RGS6: variants seen among roughly 807,000 people sequenced by gnomAD.
RGS6 encodes regulator of G protein signaling 6.
A neutral mutation model predicts 78.5 loss-of-function variants in RGS6; 30 were observed. The observed-to-expected ratio is 0.38, with a 90% confidence interval of 0.29 to 0.52. The LOEUF (loss-of-function observed/expected upper bound fraction) is 0.52, where lower values mean the gene tolerates loss of function less well. Ranked by LOEUF, RGS6 falls within the 20% of genes least tolerant of loss-of-function variation. The probability of loss-of-function intolerance (pLI) is 0.85; values close to 1 mark genes in which losing one functional copy is unlikely to be tolerated. For synonymous variants in RGS6, 206 were observed against 206.0 expected, an observed-to-expected ratio of 1.00 and a Z score of 0.00; for missense variants, 495 against 609.7, an observed-to-expected ratio of 0.81 and a Z score of 1.98.
the RGS6 span, among the ~76,000 whole-genome samples, chr14:72,618,868 C>T: frequency 1.4e-3 from 208 of 152,324 alleles, no homozygotes; most frequent in African/African-American, 4.7e-3. Flanking sequence ...AGGATGCAGA[C>T]CCTAAGCTGG....
intron 17 of RGS6, 72 bp from the exon 18 acceptor site, chr14:72,562,345 C>T: frequency 6.8e-7 from 1 of 1,471,246 alleles, no homozygotes. Context: ...ATTAATTCAC[C>T]TGTCTGGCTC....
At chr14:72,354,549 T>C (rs2079851658) in intron 3 of RGS6, among the ~76,000 whole-genome samples, 1 of 150,526 alleles carries the variant, frequency 6.6e-6, no homozygotes, top group African/African-American at 2.4e-5. Flanking sequence ...GGCAGGAAAA[T>C]CACTTGAACT....
chr14:72,449,478 A>C (rs2095441911), intron 3 of RGS6, among the ~76,000 whole-genome samples: 1 of 152,176 alleles, frequency 6.6e-6, no homozygotes, highest in South Asian at 2.1e-4. Context: ...GGAGGAAGCT[A>C]TCCCTGTCAA....
chr14:72,203,318 G>C lies in RGS6; in HGVS notation c.85-148777G>C, dbSNP rs143212310. On this transcript the variant is annotated intron_variant, in intron 2 of 17. Coordinates refer to ENST00000553525, the MANE Select transcript of RGS6 (RefSeq NM_001204424.2). The stretch of plus-strand genomic sequence containing the variant: ...TAGATGAATTAAGACCTCAGACTCT[G>C]GAGACAAGCAAAATTGAGTTTAAAT... Among the ~76,000 whole-genome samples, 34 of 152,308 alleles carry C rather than the reference G, an allele frequency of 2.2e-4. 1 individual carries two copies. Among genetic ancestry groups the C allele is most frequent in the African/African-American group, 7.9e-4 (33 of 41,570 alleles).
rs541391901 is a variant in RGS6 at position 71,972,493 on chromosome 14, C to T, written c.84+7618C>T. Among the ~76,000 whole-genome samples the T allele has an allele frequency of 1.4e-3, 215 of 152,198 alleles. 1 individual carries two copies. The highest frequency in any genetic ancestry group is 4.7e-3 in the African/African-American group (195 of 41,526). Reference sequence around the variant, plus strand: ...GTATTATCCCACAAGCAAAGGGAAGCGATTGAGACTCTGCGTTTCTTGATA... The same window carrying T: ...GTATTATCCCACAAGCAAAGGGAAGTGATTGAGACTCTGCGTTTCTTGATA... On this transcript the variant is annotated intron_variant, in intron 2 of 17. Coordinates refer to ENST00000553525, the MANE Select transcript of RGS6 (RefSeq NM_001204424.2).
intron 2 of RGS6, among the ~76,000 whole-genome samples, chr14:72,116,963 C>CAAAAAAAAA (rs56397216): frequency 2.6e-5 from 2 of 78,336 alleles, no homozygotes; most frequent in Non-Finnish European, 4.7e-5. Flanking sequence ...GACTCCATCT[C>CAAAAAAAAA]AAAAAAAAAA....
chr14:72,615,649 C>A, the RGS6 span, among the ~76,000 whole-genome samples: 1 of 152,210 alleles, frequency 6.6e-6, no homozygotes, highest in Admixed American at 6.5e-5. Context: ...GTCGGCTGGG[C>A]TCAGCCTGCC....
chr14:72,121,295 G>A (rs1470284024), intron 2 of RGS6, among the ~76,000 whole-genome samples: 1 of 152,186 alleles, frequency 6.6e-6, no homozygotes, highest in Admixed American at 6.5e-5. Flanking sequence ...TGCTTTACCT[G>A]TATTGCCAAC....
At chr14:72,397,975 G>C (rs528670197) in intron 3 of RGS6, among the ~76,000 whole-genome samples, 2 of 152,230 alleles carry the variant, frequency 1.3e-5, no homozygotes, top group East Asian at 3.9e-4. Context: ...GAGAATTTTT[G>C]CATCGGTGTT....
chr14:72,151,829 A>C (rs958389324), intron 2 of RGS6, among the ~76,000 whole-genome samples: 2 of 152,242 alleles, frequency 1.3e-5, no homozygotes, highest in African/African-American at 2.4e-5. Context: ...TATCAGAACC[A>C]TCTGGTTCTG....
chr14:72,354,471 C>CAAAA (rs56117958), intron 3 of RGS6, among the ~76,000 whole-genome samples: 2 of 128,346 alleles, frequency 1.6e-5, no homozygotes, highest in African/African-American at 5.5e-5. Flanking sequence ...ACTAAAAATA[C>CAAAA]AAAAAAAAAA....
chr14:72,287,653 T>C (rs1296711067), intron 2 of RGS6, among the ~76,000 whole-genome samples: 1 of 152,176 alleles, frequency 6.6e-6, no homozygotes, highest in African/African-American at 2.4e-5. Flanking sequence ...AGACGGAGTT[T>C]CACCATGTTG....
the RGS6 span, among the ~76,000 whole-genome samples, chr14:72,614,881 CCA>C: frequency 1.3e-5 from 2 of 151,940 alleles, no homozygotes; most frequent in Non-Finnish European, 1.5e-5. Context: ...CTGCCTTTTT[CCA>C]CCAGAGATCC....
At chr14:72,157,284 G>T (rs951963111) in intron 2 of RGS6, among the ~76,000 whole-genome samples, 1 of 152,184 alleles carries the variant, frequency 6.6e-6, no homozygotes, top group Non-Finnish European at 1.5e-5. Context: ...AGAAGCAAAT[G>T]ATTCCGTGGA....
intron 2 of RGS6, among the ~76,000 whole-genome samples, chr14:72,066,506 T>G (rs886369040): frequency 1.8e-4 from 27 of 150,940 alleles, no homozygotes; most frequent in African/African-American, 6.1e-4. Flanking sequence ...AAGGGTTTTT[T>G]TTTTTTTTTT....
At chr14:72,582,049 C>G in the RGS6 span, among the ~76,000 whole-genome samples, 1 of 152,156 alleles carries the variant, frequency 6.6e-6, no homozygotes, top group East Asian at 1.9e-4. Flanking sequence ...TATCGACCTA[C>G]TTTCATGGGA....
chr14:72,165,534 C>T (rs186410864), intron 2 of RGS6, among the ~76,000 whole-genome samples: 51 of 152,198 alleles, frequency 3.4e-4, no homozygotes, highest in Admixed American at 2.0e-4. Context: ...GGGGGCTTTG[C>T]GTTTATTTGT....
chr14:72,510,930 T>G (rs1021963988), intron 14 of RGS6, among the ~76,000 whole-genome samples: 1 of 152,194 alleles, frequency 6.6e-6, no homozygotes, highest in African/African-American at 2.4e-5. Flanking sequence ...TATTAATAAT[T>G]ACTATTTAAT....
intron 2 of RGS6, among the ~76,000 whole-genome samples, chr14:72,009,439 G>A (rs368750558): frequency 3.3e-5 from 5 of 152,198 alleles, no homozygotes; most frequent in Admixed American, 6.5e-5. Flanking sequence ...GTCACAATAC[G>A]ATGCTGGAGG....
Sources: allele counts gnomAD v4.1 joint callset (sites outside exome capture counted in the v4.1 genomes callset), GRCh38; gene constraint gnomAD v4.1.1; transcripts MANE v1.5; gene names NCBI Gene and HGNC (gene_info 2026-07-23, HGNC 2026-07-21).